GLIPR1L1: variants seen among roughly 807,000 people sequenced by gnomAD.
GLIPR1L1 encodes GLIPR1 like 1.
In GLIPR1L1, 26 loss-of-function variants were observed where a neutral mutation model predicts 29.9. That is an observed-to-expected ratio of 0.87 (90% confidence interval 0.64 to 1.21). GLIPR1L1 has a LOEUF of 1.21. GLIPR1L1 is among the 50% of genes most tolerant of loss of function. The probability of loss-of-function intolerance (pLI) is 0.00; values close to 1 mark genes in which losing one functional copy is unlikely to be tolerated. For synonymous variants in GLIPR1L1, 77 were observed against 97.5 expected, an observed-to-expected ratio of 0.79 and a Z score of 1.24; for missense variants, 305 against 290.3, an observed-to-expected ratio of 1.05 and a Z score of -0.37.
rs116099045 is a variant in GLIPR1L1 at position 75,346,237 on chromosome 12, T to C, written c.421-1385T>C. Among the ~76,000 whole-genome samples, 1,024 of 152,296 alleles carry C rather than the reference T, an allele frequency of 6.7e-3. 9 individuals are homozygous for C. Among genetic ancestry groups the C allele is most frequent in the African/African-American group, 0.023 (973 of 41,568 alleles). On this transcript the variant is annotated intron_variant, in intron 2 of 5. Coordinates refer to ENST00000378695, the MANE Select transcript of GLIPR1L1 (RefSeq NM_001304964.2). The stretch of plus-strand genomic sequence containing the variant: ...AAACATGATTTTTTGGAAATATATA[T>C]ATTTTAGTTGTATTTTTGGTTAATT...
intron 3 of GLIPR1L1, among the ~76,000 whole-genome samples, chr12:75,358,928 A>G (rs1050502591): frequency 2.1e-5 from 3 of 145,988 alleles, no homozygotes; most frequent in African/African-American, 7.5e-5. Flanking sequence ...CAGACTGCAT[A>G]AAACAGATAA....
Position 75,334,835 on chromosome 12 carries a change from A to G in GLIPR1L1, c.107A>G (p.Asn36Ser). 6 of 1,614,034 alleles carry G rather than the reference A, an allele frequency of 3.7e-6. No individual in the cohort carries two copies. Among genetic ancestry groups the G allele is most frequent in the Non-Finnish European group, 5.1e-6 (6 of 1,180,006 alleles). ...ATCACTGACCCACACTTTATAGACA[A>G]CTGCATAGAAGCCCACAACGAATGG... ...PSITDPHFID[N>S]CIEAHNEWRG... Residue 36 changes from asparagine (N) to serine (S), a missense_variant, in exon 1 of 6, where the codon AAC becomes AGC. Asn to Ser is a conservative substitution (Grantham distance 46). Transcript: ENST00000378695.
Position 75,370,250 on chromosome 12 carries a change from T to G in GLIPR1L1, c.*74T>G. On this transcript the variant is annotated 3_prime_UTR_variant, in exon 6 of 6. Coordinates refer to ENST00000378695, the MANE Select transcript of GLIPR1L1 (RefSeq NM_001304964.2). ...GTTTATTGCTTAATATAACTTATCA[T>G]CACTTTGCTTCTTTACTGAATCTTC... 2 of 779,532 alleles carry G rather than the reference T, an allele frequency of 2.6e-6. No homozygotes were observed. The highest frequency in any genetic ancestry group is 4.3e-6 in the Non-Finnish European group (2 of 462,794). 48.3% of individuals were successfully genotyped at this position (779,532 alleles called of 1,614,324 possible).
chr12:75,368,701 A>T (rs1376189149), intron 4 of GLIPR1L1, among the ~76,000 whole-genome samples: 1 of 151,906 alleles, frequency 6.6e-6, no homozygotes, highest in Non-Finnish European at 1.5e-5. Flanking sequence ...TATTAGACTC[A>T]TTTTAAAAAG....
chr12:75,348,121 C>T (rs968122793), intron 3 of GLIPR1L1, among the ~76,000 whole-genome samples: 4 of 151,932 alleles, frequency 2.6e-5, no homozygotes, highest in African/African-American at 9.7e-5. Flanking sequence ...AAGAAAAGAA[C>T]AACATAACTT....
intron 1 of GLIPR1L1, among the ~76,000 whole-genome samples, chr12:75,335,248 C>T (rs2041646217): frequency 6.6e-6 from 1 of 152,062 alleles, no homozygotes; most frequent in South Asian, 2.1e-4. Flanking sequence ...CCCCCACAAC[C>T]AAGATACAAG....
intron 4 of GLIPR1L1, among the ~76,000 whole-genome samples, chr12:75,368,151 G>A (rs2044113295): frequency 6.6e-6 from 1 of 151,946 alleles, no homozygotes; most frequent in Admixed American, 6.6e-5. Flanking sequence ...GTTAAGTGAT[G>A]CCCCAGTAAT....
chr12:75,350,070 C>T (rs2042704802), intron 3 of GLIPR1L1, among the ~76,000 whole-genome samples: 1 of 152,234 alleles, frequency 6.6e-6, no homozygotes, highest in Admixed American at 6.5e-5. Flanking sequence ...GCAAGACTGA[C>T]TGGTTTGGAC....
At chr12:75,344,895 C>CT (rs1446187362) in intron 2 of GLIPR1L1, among the ~76,000 whole-genome samples, 1 of 152,100 alleles carries the variant, frequency 6.6e-6, no homozygotes, top group Non-Finnish European at 1.5e-5. Flanking sequence ...TCTGCACACT[C>CT]TAACTAATAC....
At chr12:75,350,390 A>G (rs1028853923) in intron 3 of GLIPR1L1, among the ~76,000 whole-genome samples, 3 of 152,170 alleles carry the variant, frequency 2.0e-5, no homozygotes, top group African/African-American at 7.2e-5. Context: ...ATTTCCCCTG[A>G]CTGGGTGAGA....
chr12:75,342,009 C>T (rs924589027), intron 1 of GLIPR1L1, among the ~76,000 whole-genome samples: 1 of 152,112 alleles, frequency 6.6e-6, no homozygotes, highest in African/African-American at 2.4e-5. Flanking sequence ...TCCCAAAGTG[C>T]TGGGATTACA....
intron 4 of GLIPR1L1, among the ~76,000 whole-genome samples, chr12:75,367,904 T>C (rs907804332): frequency 4.6e-5 from 7 of 152,158 alleles, no homozygotes; most frequent in African/African-American, 1.7e-4. Context: ...TGTTTCACCA[T>C]TGTGTATGTT....
At position 75,343,946 on chromosome 12, in the gene GLIPR1L1, T is replaced by C. The variant is rs746654617; in HGVS notation, c.420+8T>C. 5.0e-6 allele frequency: 8 copies of C among 1,590,370 alleles called. No homozygotes were observed. The highest frequency in any genetic ancestry group is 3.8e-4 in the Middle Eastern group (2 of 5,312). ...TGTGGCCATTATACACAGGTAAATA[T>C]TTGACATCTTTATTGATTAGTTCTT... On this transcript the variant is annotated splice_region_variant and intron_variant, in intron 2 of 5. Transcript: ENST00000378695.
At chr12:75,368,455 A>G (rs1288286303) in intron 4 of GLIPR1L1, among the ~76,000 whole-genome samples, 1 of 151,778 alleles carries the variant, frequency 6.6e-6, no homozygotes, top group African/African-American at 2.4e-5. Context: ...AATATAACAC[A>G]GCTACACTGT....
At chr12:75,350,334 T>C (rs2042724256) in intron 3 of GLIPR1L1, among the ~76,000 whole-genome samples, 1 of 152,222 alleles carries the variant, frequency 6.6e-6, no homozygotes, top group Non-Finnish European at 1.5e-5. Context: ...GTCTGGGTAG[T>C]CTGGACAAGG....
At chr12:75,343,475 G>A (rs1431083876) in intron 1 of GLIPR1L1, among the ~76,000 whole-genome samples, 3 of 151,862 alleles carry the variant, frequency 2.0e-5, no homozygotes, top group Admixed American at 6.6e-5. Flanking sequence ...GCTAAGTACA[G>A]GTAATATAAC....
At chr12:75,340,903 G>A (rs1311389570) in intron 1 of GLIPR1L1, among the ~76,000 whole-genome samples, 1 of 151,666 alleles carries the variant, frequency 6.6e-6, no homozygotes, top group Admixed American at 6.6e-5. Flanking sequence ...AATTAGGAAA[G>A]CAAAAATAAA....
In GLIPR1L1 at chr12:75,351,299, A is replaced by T. The variant is rs189473447; in HGVS notation, c.521+3577A>T. ...CCAGGAGAACTTCCTCAACCTAGCA[A>T]GAAAGGTCAACATTCAAATTCAGGA... On this transcript the variant is annotated intron_variant, in intron 3 of 5. Coordinates refer to ENST00000378695, the MANE Select transcript of GLIPR1L1 (RefSeq NM_001304964.2). 1.1e-3 allele frequency among the ~76,000 whole-genome samples: 170 copies of T among 152,324 alleles called. 1 individual carries two copies. The highest frequency in any genetic ancestry group is 3.6e-3 in the African/African-American group (150 of 41,566).
chr12:75,358,115 A>T (rs1045437288), intron 3 of GLIPR1L1, among the ~76,000 whole-genome samples: 11 of 151,840 alleles, frequency 7.2e-5, no homozygotes, highest in Non-Finnish European at 5.9e-5. Flanking sequence ...TGATCAAAAA[A>T]AGATAAAAAT....
Sources: allele counts gnomAD v4.1 joint callset (sites outside exome capture counted in the v4.1 genomes callset), GRCh38; gene constraint gnomAD v4.1.1; transcripts MANE v1.5; gene names NCBI Gene and HGNC (gene_info 2026-07-23, HGNC 2026-07-21).